Variants in RGS6 observed in about 807,000 individuals in gnomAD.
RGS6 encodes the protein regulator of G-protein signaling 6.
A neutral mutation model predicts 78.5 loss-of-function variants in RGS6; 30 were observed. The ratio of observed to expected loss-of-function variants is 0.38; its 90% confidence interval spans 0.29 to 0.52. The LOEUF (loss-of-function observed/expected upper bound fraction) is 0.52. Among genes scored for constraint, RGS6 ranks in the 20% least tolerant of loss-of-function variants. The pLI is 0.85. For missense variants in RGS6, 495 were observed against 609.7 expected, an observed-to-expected ratio of 0.81 and a Z score of 1.98; for synonymous variants, 206 against 206.0, an observed-to-expected ratio of 1.00 and a Z score of 0.00.
the RGS6 span, among the ~76,000 whole-genome samples, chr14:71,873,748 T>A: frequency 1.3e-5 from 2 of 152,212 alleles, no homozygotes; most frequent in African/African-American, 4.8e-5. Context: ...TTGCCTAGGT[T>A]TTCTTCTAGG....
chr14:72,344,584 A>G (rs1008057526), intron 2 of RGS6, among the ~76,000 whole-genome samples: 2 of 152,358 alleles, frequency 1.3e-5, no homozygotes, highest in Non-Finnish European at 2.9e-5. Context: ...AAGTTCTTTA[A>G]GAATATAGCA....
intron 2 of RGS6, among the ~76,000 whole-genome samples, chr14:72,217,772 G>C (rs1394584926): frequency 6.6e-6 from 1 of 151,860 alleles, no homozygotes; most frequent in Non-Finnish European, 1.5e-5. Flanking sequence ...TTTATTTTTT[G>C]CTTCTCTTGT....
At chr14:72,171,464 T>A (rs1488544472) in intron 2 of RGS6, among the ~76,000 whole-genome samples, 2 of 152,232 alleles carry the variant, frequency 1.3e-5, no homozygotes, top group Non-Finnish European at 1.5e-5. Flanking sequence ...GTTTCCCAAC[T>A]TGAGGGTGCC....
At chr14:72,107,605 C>G (rs1048313358) in intron 2 of RGS6, among the ~76,000 whole-genome samples, 2 of 152,124 alleles carry the variant, frequency 1.3e-5, no homozygotes, top group Non-Finnish European at 2.9e-5. Flanking sequence ...GAAATATCCA[C>G]TTCTATATCT....
intron 2 of RGS6, among the ~76,000 whole-genome samples, chr14:72,089,355 G>T (rs2095179500): frequency 6.6e-6 from 1 of 152,210 alleles, no homozygotes; most frequent in Non-Finnish European, 1.5e-5. Flanking sequence ...CACCTGGATG[G>T]CATTTAATAA....
chr14:72,540,364 A>G, intron 17 of RGS6: 1 of 1,455,904 alleles, frequency 6.9e-7, no homozygotes, highest in East Asian at 2.5e-5. Context: ...TCATCTGTTC[A>G]GGGCTTTGAG....
chr14:72,409,169 T>G (rs2093194892), intron 3 of RGS6, among the ~76,000 whole-genome samples: 1 of 152,220 alleles, frequency 6.6e-6, no homozygotes, highest in Non-Finnish European at 1.5e-5. Flanking sequence ...TTAGTCTTTT[T>G]GCCACTGTTA....
intron 15 of RGS6, among the ~76,000 whole-genome samples, chr14:72,523,563 T>A (rs1206200025): frequency 6.6e-6 from 1 of 152,180 alleles, no homozygotes; most frequent in Non-Finnish European, 1.5e-5. Flanking sequence ...ATGGGTTTTG[T>A]TTCTTATTTG....
chr14:72,609,684 T>C, the RGS6 span, among the ~76,000 whole-genome samples: 2 of 152,218 alleles, frequency 1.3e-5, no homozygotes, highest in East Asian at 3.9e-4. Context: ...CGCAACCACA[T>C]CACAGTGAAG....
At chr14:72,371,339 T>A (rs1158764240) in intron 3 of RGS6, among the ~76,000 whole-genome samples, 3 of 146,374 alleles carry the variant, frequency 2.0e-5, no homozygotes, top group East Asian at 3.9e-4. Context: ...CCTTGTTTGA[T>A]TTTTTTCTCC....
chr14:72,443,130 C>T (rs1368798500), intron 3 of RGS6, among the ~76,000 whole-genome samples: 8 of 152,114 alleles, frequency 5.3e-5, no homozygotes, highest in East Asian at 1.9e-4. Flanking sequence ...CTTCCAGTTT[C>T]GGCAGATGGA....
intron 2 of RGS6, among the ~76,000 whole-genome samples, chr14:71,966,743 A>C (rs751175951): frequency 6.6e-6 from 1 of 152,210 alleles, no homozygotes; most frequent in Admixed American, 6.5e-5. Flanking sequence ...TCCGTAATGA[A>C]TATCTCTTTT....
chr14:72,502,558 G>A (rs2153429330), intron 13 of RGS6, among the ~76,000 whole-genome samples: 1 of 152,336 alleles, frequency 6.6e-6, no homozygotes, highest in African/African-American at 2.4e-5. Flanking sequence ...GAGGTCAGGA[G>A]TTTGAGACCA....
intron 1 of RGS6, among the ~76,000 whole-genome samples, chr14:71,958,527 C>G (rs1247188888): frequency 1.3e-5 from 2 of 152,174 alleles, no homozygotes; most frequent in African/African-American, 4.8e-5. Flanking sequence ...CCCAGTGGGG[C>G]TAAATATGTT....
At chr14:72,219,458 G>A (rs567898628) in intron 2 of RGS6, among the ~76,000 whole-genome samples, 17 of 151,964 alleles carry the variant, frequency 1.1e-4, no homozygotes, top group East Asian at 7.8e-4. Context: ...CTATTTCCTC[G>A]TTGCCAACTA....
intron 3 of RGS6, among the ~76,000 whole-genome samples, chr14:72,396,584 A>G (rs1227675063): frequency 6.6e-6 from 1 of 152,032 alleles, no homozygotes; most frequent in African/African-American, 2.4e-5. Context: ...TTTTGTTGCC[A>G]TTGCTTTTGG....
intron 1 of RGS6, among the ~76,000 whole-genome samples, chr14:71,961,348 C>T (rs1045748929): frequency 3.9e-5 from 6 of 152,138 alleles, no homozygotes; most frequent in Non-Finnish European, 8.8e-5. Flanking sequence ...ATTTTATAGC[C>T]AATGCCCAAC....
At chr14:72,441,848 C>T (rs1228056628) in intron 3 of RGS6, among the ~76,000 whole-genome samples, 2 of 152,218 alleles carry the variant, frequency 1.3e-5, no homozygotes, top group East Asian at 3.9e-4. Context: ...TAGGAGGCCC[C>T]CAGCAGTGGA....
At chr14:72,411,569 G>A (rs2093416112) in intron 3 of RGS6, among the ~76,000 whole-genome samples, 1 of 152,084 alleles carries the variant, frequency 6.6e-6, no homozygotes, top group African/African-American at 2.4e-5. Flanking sequence ...TCCTTCTCCT[G>A]CCTGATTGCC....
Sources: gnomAD v4.1 joint callset for allele counts (sites outside exome capture counted in the v4.1 genomes callset) on GRCh38, gnomAD v4.1.1 for gene constraint, MANE v1.5 for transcripts, NCBI Gene and HGNC (gene_info 2026-07-23, HGNC 2026-07-21) for gene names.